The following CHRNB3 variants were observed in gnomAD, a reference collection of about 807,000 sequenced individuals.
The protein encoded by CHRNB3 is cholinergic receptor nicotinic beta 3 subunit.
Under a neutral mutation model 40.6 loss-of-function variants are expected in CHRNB3, and 37 were observed. The observed-to-expected ratio is 0.91, with a 90% CI of 0.70 to 1.20. The LOEUF (loss-of-function observed/expected upper bound fraction) is 1.20. CHRNB3 is among the 50% of genes most tolerant of loss of function. The pLI, the probability that CHRNB3 is intolerant of heterozygous loss-of-function variation, is 0.00. For missense variants in CHRNB3, 505 were observed against 551.2 expected (o/e 0.92, Z 0.84); for synonymous variants, 207 against 207.1 (o/e 1.00, Z 0.00).
intron 5 of CHRNB3, 107 bp downstream of exon 5, chr8:42,732,656 A>G (rs1275155538): frequency 1.2e-5 from 12 of 999,218 alleles, no homozygotes; most frequent in Non-Finnish European, 1.7e-5. Context: ...ATGTGACGTT[A>G]TATAAGACAT....
At chr8:42,726,671 G>A (rs1372408575) in intron 3 of CHRNB3, among the ~76,000 whole-genome samples, 3 of 151,922 alleles carry the variant, frequency 2.0e-5, no homozygotes, top group Non-Finnish European at 4.4e-5. Context: ...GCTAATTTTT[G>A]TAGAGACAGG....
Position 42,708,865 on chromosome 8 carries a change from T to A in CHRNB3, c.201T>A (p.Asp67Glu), listed in dbSNP as rs1381371732. ...YFGLKISQLV[D>E]VDEKNQLMTT... ...GATTGAAAATATCCCAGCTTGTAGA[T>A]GTGGTGAGTAATCCTTGGCACTTGG... The change falls in exon 2 of 6, where the codon GAT (aspartate) becomes GAA (glutamate). Residue 67 changes from aspartate (D) to glutamate (E), a missense_variant. Coordinates refer to ENST00000289957, the MANE Select transcript of CHRNB3 (RefSeq NM_000749.5). 8 of 1,612,546 alleles carry A rather than the reference T, an allele frequency of 5.0e-6. No homozygotes were observed. The highest frequency in any genetic ancestry group is 1.7e-5 in the Admixed American group (1 of 59,860).
intron 4 of CHRNB3, among the ~76,000 whole-genome samples, chr8:42,731,057 A>AAAATAAATGAATAAAT (rs1360270846): frequency 7.2e-6 from 1 of 138,802 alleles, no homozygotes; most frequent in East Asian, 2.0e-4. Context: ...TCCGTCTCAA[A>AAAATAAATGAATAAAT]AAATAAATAA....
At chr8:42,726,003 G>A in intron 3 of CHRNB3, 1 of 1,142,790 alleles carries the variant, frequency 8.8e-7, no homozygotes, top group Admixed American at 1.8e-5. Context: ...CCAAGGTGTG[G>A]TTTCACTTCT....
At chr8:42,723,356 A>G (rs943222422) in intron 3 of CHRNB3, among the ~76,000 whole-genome samples, 2 of 151,824 alleles carry the variant, frequency 1.3e-5, no homozygotes, top group South Asian at 4.1e-4. Flanking sequence ...TCTCTCTTTG[A>G]TGGAGAGGAG....
chr8:42,732,330 G>A lies in CHRNB3; in HGVS notation c.1023G>A (p.Gln341=). Residue 341 remains glutamine (Q), a synonymous_variant, in exon 5 of 6, where the codon CAG becomes CAA. Coordinates refer to ENST00000289957, the MANE Select transcript of CHRNB3 (RefSeq NM_000749.5). Reference sequence around the variant, plus strand: ...CCTGGGTTAAGAGGCTCTTTCTGCAGAAACTTCCAAAATTACTTTGCATGA... The same window carrying A: ...CCTGGGTTAAGAGGCTCTTTCTGCAAAAACTTCCAAAATTACTTTGCATGA... The part of the protein sequence containing the change: ...MAPWVKRLFL[Q]KLPKLLCMKD... 6.2e-7 allele frequency: 1 copy of A among 1,606,794 alleles called. No homozygotes were observed. The highest frequency in any genetic ancestry group is 1.1e-5 in the South Asian group (1 of 89,324).
chr8:42,703,435 A>AAAAAAAAATAT lies in CHRNB3; in HGVS notation c.53-5281_53-5280insAAAAAAATATA. On this transcript the variant is annotated intron_variant, in intron 1 of 5. Transcript: ENST00000289957. ...CAAGACTTCGTCTAAAAAAAAAAAAAATATTTATATATATATATATATATA... is the reference window on the plus strand; with the variant it reads ...CAAGACTTCGTCTAAAAAAAAAAAAAAAAAAAAATATATATTTATATATATATATATATATA... Among the ~76,000 whole-genome samples, 46 of 47,400 alleles carry AAAAAAAAATAT rather than the reference A, an allele frequency of 9.7e-4. 11 individuals carry two copies. In the East Asian group the frequency reaches 0.018, roughly 19 times the overall value. The allele number at this position is 47,400 out of a possible 152,430, so 31.1% of individuals were successfully genotyped here. A position where few individuals can be genotyped will look rare whatever the true frequency, so the allele number is the denominator to read the frequency against.
rs71221230 is a variant in CHRNB3 at position 42,717,403 on chromosome 8, A to AAAAAAAAAAAAAAAAG, written c.249+6971_249+6972insAAAAAAAAAAAAAGAA. On this transcript the variant is annotated intron_variant, in intron 3 of 5. Coordinates refer to ENST00000289957, the MANE Select transcript of CHRNB3 (RefSeq NM_000749.5). ...AAAAAAAAAAAAAAAAAAAAAAAAA[A>AAAAAAAAAAAAAAAAG]AAGCCGACCTGTTGTGGAAAGGTCA... 1.8e-3 allele frequency among the ~76,000 whole-genome samples: 93 copies of AAAAAAAAAAAAAAAAG among 50,906 alleles called. 40 individuals are homozygous for AAAAAAAAAAAAAAAAG. Among genetic ancestry groups the AAAAAAAAAAAAAAAAG allele is most frequent in the East Asian group, 5.1e-3 (8 of 1,568 alleles). The allele number at this position is 50,906 out of a possible 152,430, so 33.4% of individuals were successfully genotyped here.
intron 1 of CHRNB3, among the ~76,000 whole-genome samples, chr8:42,702,603 A>G (rs1326491132): frequency 6.6e-6 from 1 of 152,114 alleles, no homozygotes; most frequent in Non-Finnish European, 1.5e-5. Flanking sequence ...TCTCTACTAA[A>G]AATACAAAAA....
At chr8:42,716,179 G>A (rs1816100654) in intron 3 of CHRNB3, among the ~76,000 whole-genome samples, 1 of 152,008 alleles carries the variant, frequency 6.6e-6, no homozygotes, top group Non-Finnish European at 1.5e-5. Flanking sequence ...GTTTCATCAT[G>A]TTGGCCAGGC....
rs536797848 is a variant in CHRNB3, at chr8:42,736,536, G to T, written c.1295G>T (p.Trp432Leu). Residue 432 changes from tryptophan (W) to leucine (L), a missense_variant, in exon 6 of 6, where the codon TGG (tryptophan) becomes TTG (leucine). Physicochemically the swap from Trp to Leu is moderately conservative, Grantham distance 61. Transcript: ENST00000289957. ...VAQVLDRIFL[W>L]LFLIVSVTGS... Reference sequence around the variant, plus strand: ...CAAGTTCTTGACCGAATCTTCCTGTGGCTCTTTCTGATAGTGTCAGTAACA... The same window carrying T: ...CAAGTTCTTGACCGAATCTTCCTGTTGCTCTTTCTGATAGTGTCAGTAACA... 1.2e-6 allele frequency: 2 copies of T among 1,614,108 alleles called. No individual in the cohort carries two copies. Among genetic ancestry groups the T allele is most frequent in the South Asian group, 2.2e-5 (2 of 91,078 alleles).
intron 3 of CHRNB3, among the ~76,000 whole-genome samples, chr8:42,722,753 A>G (rs1244857594): frequency 2.0e-5 from 3 of 152,030 alleles, no homozygotes; most frequent in Non-Finnish European, 4.4e-5. Context: ...ATTTTTGAAG[A>G]GATGGGGTTT....
At chr8:42,730,840 A>G in intron 4 of CHRNB3, 137 bp downstream of exon 4, 2 of 443,050 alleles carry the variant, frequency 4.5e-6, no homozygotes, top group South Asian at 7.8e-5. Flanking sequence ...TGAGGTCAGG[A>G]GATCGAGACC....
chr8:42,727,184 C>T (rs1683024211), intron 3 of CHRNB3, among the ~76,000 whole-genome samples: 1 of 151,900 alleles, frequency 6.6e-6, no homozygotes, highest in African/African-American at 2.4e-5. Flanking sequence ...ACCAGCCTGG[C>T]CAACATAGTG....
chr8:42,725,998 G>T, intron 3 of CHRNB3: 1 of 1,143,868 alleles, frequency 8.7e-7, no homozygotes, highest in Non-Finnish European at 1.3e-6. Flanking sequence ...CAATTCCAAG[G>T]TGTGGTTTCA....
In CHRNB3 at chr8:42,730,751, T is replaced by A. The variant is rs769078523; in HGVS notation, c.359+48T>A. 3.8e-5 allele frequency: 51 copies of A among 1,332,432 alleles called. 1 individual carries two copies. The highest frequency in any genetic ancestry group is 4.9e-5 in the Non-Finnish European group (47 of 957,232). The allele number at this position is 1,332,432 out of a possible 1,614,324, so 82.5% of individuals were successfully genotyped here. On this transcript the variant is annotated intron_variant, in intron 4 of 5. Transcript: ENST00000289957. ...CTTATGGGGAAAAAAATAAATTTTT[T>A]AAAAAGTGAAAAAAAGGCTGGGCGC...
chr8:42,725,721 G>A, intron 3 of CHRNB3: 1 of 927,770 alleles, frequency 1.1e-6, no homozygotes, highest in Non-Finnish European at 1.8e-6. Context: ...CAATCACTGT[G>A]TTGTCTGTCA....
chr8:42,725,350 A>G (rs1347125007), intron 3 of CHRNB3, among the ~76,000 whole-genome samples: 3 of 151,924 alleles, frequency 2.0e-5, no homozygotes, highest in Non-Finnish European at 4.4e-5. Context: ...TCGGCCTCCC[A>G]AAGTGCTGGG....
At chr8:42,704,761 CCATT>C (rs1250531950) in intron 1 of CHRNB3, among the ~76,000 whole-genome samples, 1 of 152,090 alleles carries the variant, frequency 6.6e-6, no homozygotes, top group Non-Finnish European at 1.5e-5. Flanking sequence ...GTGCCTCCAT[CCATT>C]GTGAGATGGT....
Sources: gnomAD v4.1 joint callset for allele counts (sites outside exome capture counted in the v4.1 genomes callset) on GRCh38, gnomAD v4.1.1 for gene constraint, MANE v1.5 for transcripts, NCBI Gene and HGNC (gene_info 2026-07-23, HGNC 2026-07-21) for gene names.